Variants in SHB observed in about 807,000 individuals in gnomAD.
SHB encodes SH2 domain containing adaptor protein B.
In SHB, 20 loss-of-function variants were observed where a neutral mutation model predicts 52.3. The observed-to-expected ratio is 0.38, with a 90% CI of 0.27 to 0.56. The LOEUF (loss-of-function observed/expected upper bound fraction) is 0.56. SHB is among the 20% of genes least tolerant of loss of function. The probability of loss-of-function intolerance (pLI) is 0.71; values close to 1 mark genes in which losing one functional copy is unlikely to be tolerated. For missense variants in SHB, 825 were observed against 723.3 expected (o/e 1.14, Z -1.61); for synonymous variants, 397 against 316.5 (o/e 1.25, Z -2.70).
intron 2 of SHB, among the ~76,000 whole-genome samples, chr9:37,984,711 C>T (rs935900076): frequency 2.0e-5 from 3 of 152,176 alleles, no homozygotes; most frequent in Admixed American, 6.5e-5. Context: ...GAGTGCCAGG[C>T]GGTTCTTCCT....
Position 37,978,176 on chromosome 9 carries a change from T to C in SHB, c.839-3339A>G, listed in dbSNP as rs191064130. Among the ~76,000 whole-genome samples, 86 of 152,358 alleles carry C rather than the reference T, an allele frequency of 5.6e-4. 1 individual carries two copies. Among genetic ancestry groups the C allele is most frequent in the African/African-American group, 1.9e-3 (81 of 41,590 alleles). Reference sequence around the variant, plus strand: ...AAACAATATGCATTAGAGACAGATATTCTCCATAAACACCAGCCTTAAAGG... The same window carrying C: ...AAACAATATGCATTAGAGACAGATACTCTCCATAAACACCAGCCTTAAAGG... On this transcript the variant is annotated intron_variant, in intron 2 of 5. Transcript: ENST00000377707.
intron 2 of SHB, among the ~76,000 whole-genome samples, chr9:37,994,590 G>T (rs1477097913): frequency 2.0e-5 from 3 of 152,186 alleles, no homozygotes; most frequent in African/African-American, 7.2e-5. Flanking sequence ...GTGGAGTGGG[G>T]AGAATATTAA....
chr9:37,982,095 A>T (rs1022381827), intron 2 of SHB, among the ~76,000 whole-genome samples: 1 of 120,148 alleles, frequency 8.3e-6, no homozygotes. Flanking sequence ...TTCATTTTGT[A>T]AAAAAAAAAA....
At chr9:38,061,725 G>A (rs1821895718) in intron 1 of SHB, among the ~76,000 whole-genome samples, 1 of 152,234 alleles carries the variant, frequency 6.6e-6, no homozygotes, top group Non-Finnish European at 1.5e-5. Flanking sequence ...AGAGAGGACA[G>A]TCACCTGATC....
rs1821040272 is a variant in SHB, at chr9:38,003,255, T to TGAGTC, written c.838+12751_838+12755dup. Among the ~76,000 whole-genome samples, 6 of 152,172 alleles carry TGAGTC rather than the reference T, an allele frequency of 3.9e-5. No individual in the cohort carries two copies. In the South Asian group the frequency reaches 1.2e-3, roughly 32 times the overall value. On this transcript the variant is annotated intron_variant, in intron 2 of 5. Transcript: ENST00000377707. ...CCCAGGTGGGTGCTTTTCACAATTC[T>TGAGTC]GAGTCCCCTTCAGCTAAACACAGGA...
At chr9:37,945,275 G>T (rs932080622) in intron 5 of SHB, among the ~76,000 whole-genome samples, 6 of 152,218 alleles carry the variant, frequency 3.9e-5, no homozygotes, top group Admixed American at 3.3e-4. Context: ...GTATTTGAGA[G>T]ATCAGGCCCC....
At chr9:37,977,002 G>T (rs1376695295) in intron 2 of SHB, among the ~76,000 whole-genome samples, 2 of 152,200 alleles carry the variant, frequency 1.3e-5, no homozygotes, top group African/African-American at 4.8e-5. Flanking sequence ...GTGTTTACAT[G>T]AATTAACTTT....
chr9:37,924,429 G>A (rs76963807), intron 5 of SHB, among the ~76,000 whole-genome samples: 1,755 of 152,272 alleles, frequency 0.012, 26 homozygotes, highest in East Asian at 0.074. Context: ...ATGTTAAATC[G>A]CTTCTTTTCA....
intron 1 of SHB, among the ~76,000 whole-genome samples, chr9:38,059,456 C>T (rs1257232301): frequency 6.6e-6 from 1 of 152,196 alleles, no homozygotes; most frequent in Admixed American, 6.5e-5. Flanking sequence ...TGGAAAGGAA[C>T]TGAATGATTT....
At chr9:38,008,238 A>G (rs551543215) in intron 2 of SHB, among the ~76,000 whole-genome samples, 2 of 152,232 alleles carry the variant, frequency 1.3e-5, no homozygotes, top group Non-Finnish European at 2.9e-5. Context: ...ACAAGAGGGG[A>G]GCCGGGGTGA....
At chr9:37,952,634 A>G (rs3861003) in intron 4 of SHB, among the ~76,000 whole-genome samples, 92,343 of 152,020 alleles carry the variant, frequency 0.61, 28,665 homozygotes, top group East Asian at 0.91. Flanking sequence ...AGGTGGCCGC[A>G]GAGATGGAGG....
rs767360138 is a variant in SHB, at chr9:38,067,931, T to C, written c.715A>G (p.Lys239Glu). ...AEESGAGKKD[K>E]VTIADDYSDP... ...GAAGAGGCCAAGGGGCACCTTACCT[T>C]GTCCTTCTTGCCGGCCCCGCTCTCC... The change falls in exon 1 of 6, where the codon AAG (lysine) becomes GAG (glutamate). Residue 239 changes from lysine to glutamate, a missense_variant and splice_region_variant. By Grantham distance (56) the Lys-to-Glu change is moderately conservative. Coordinates refer to ENST00000377707, the MANE Select transcript of SHB (RefSeq NM_003028.3). The C allele has an allele frequency of 3.1e-5, 47 of 1,526,806 alleles. No homozygotes were observed. Among genetic ancestry groups the C allele is most frequent in the Non-Finnish European group, 3.5e-5 (40 of 1,147,546 alleles). The allele number at this position is 1,526,806 out of a possible 1,614,324, so 94.6% of individuals were successfully genotyped here.
intron 2 of SHB, among the ~76,000 whole-genome samples, chr9:38,004,097 C>T (rs936873907): frequency 4.6e-5 from 7 of 152,230 alleles, no homozygotes; most frequent in Non-Finnish European, 8.8e-5. Flanking sequence ...CCTGGAGGTG[C>T]TCCCAGGCCC....
At chr9:37,940,372 C>T (rs78859535) in intron 5 of SHB, among the ~76,000 whole-genome samples, 1 of 152,258 alleles carries the variant, frequency 6.6e-6, no homozygotes, top group Non-Finnish European at 1.5e-5. Context: ...TCTGCACATT[C>T]TAAAGTTCAC....
intron 2 of SHB, among the ~76,000 whole-genome samples, chr9:37,999,508 T>C (rs1282025113): frequency 6.6e-6 from 1 of 152,176 alleles, no homozygotes; most frequent in African/African-American, 2.4e-5. Flanking sequence ...GAAAGTAGGC[T>C]TCTGTGGAAA....
chr9:38,016,810 C>T (rs143171804), intron 1 of SHB, among the ~76,000 whole-genome samples: 1 of 152,332 alleles, frequency 6.6e-6, no homozygotes, highest in Non-Finnish European at 1.5e-5. Flanking sequence ...AAACTGAGGT[C>T]CAGTGTGAGC....
At chr9:38,028,579 G>T (rs547303242) in intron 1 of SHB, among the ~76,000 whole-genome samples, 2 of 152,198 alleles carry the variant, frequency 1.3e-5, no homozygotes, top group Admixed American at 6.5e-5. Context: ...CCAGAATTGC[G>T]AAGAGGAACT....
At chr9:37,954,292 G>C (rs142396602) in intron 4 of SHB, among the ~76,000 whole-genome samples, 1 of 152,206 alleles carries the variant, frequency 6.6e-6, no homozygotes, top group South Asian at 2.1e-4. Flanking sequence ...CCTGCTCACC[G>C]AGTGAGAATT....
chr9:37,978,206 CAT>C (rs1411673399), intron 2 of SHB, among the ~76,000 whole-genome samples: 2 of 152,212 alleles, frequency 1.3e-5, no homozygotes, highest in Non-Finnish European at 2.9e-5. Flanking sequence ...TAAAGGGAAA[CAT>C]GTGCAGTGAA....
Sources: allele counts gnomAD v4.1 joint callset (sites outside exome capture counted in the v4.1 genomes callset), GRCh38; gene constraint gnomAD v4.1.1; transcripts MANE v1.5; gene names NCBI Gene and HGNC (gene_info 2026-07-23, HGNC 2026-07-21).